The following MARCHF1 variants were observed in gnomAD, a reference collection of about 807,000 sequenced individuals.
The protein encoded by MARCHF1 is membrane associated ring-CH-type finger 1.
MARCHF1 carries 40 observed loss-of-function variants against 54.2 expected under a neutral mutation model. The ratio of observed to expected loss-of-function variants is 0.74; its 90% CI spans 0.57 to 0.96. The LOEUF (loss-of-function observed/expected upper bound fraction) is 0.96. Among genes scored for constraint, MARCHF1 ranks in the 40% least tolerant of loss-of-function variants. The pLI is 0.00. For missense variants in MARCHF1, 586 were observed against 656.5 expected (o/e 0.89, Z 1.17); for synonymous variants, 236 against 236.3 (o/e 1.00, Z 0.01).
At chr4:164,295,592 T>C in intron 1 of MARCHF1, among the ~76,000 whole-genome samples, 1 of 152,142 alleles carries the variant, frequency 6.6e-6, no homozygotes, top group Non-Finnish European at 1.5e-5. Context: ...GAGCATAATA[T>C]TCAGGAGGGA....
chr4:163,763,796 T>C (rs549851366), intron 4 of MARCHF1, among the ~76,000 whole-genome samples: 41 of 152,192 alleles, frequency 2.7e-4, no homozygotes, highest in African/African-American at 9.9e-4. Context: ...CAGTAAATTA[T>C]TTAGTCCCAA....
At chr4:164,055,839 A>C (rs1220837960) in intron 2 of MARCHF1, among the ~76,000 whole-genome samples, 3 of 152,166 alleles carry the variant, frequency 2.0e-5, no homozygotes, top group Non-Finnish European at 4.4e-5. Context: ...CTCATAAAAA[A>C]GTACCTGAGA....
intron 2 of MARCHF1, among the ~76,000 whole-genome samples, chr4:164,010,455 T>C (rs558465080): frequency 3.7e-4 from 56 of 151,898 alleles, no homozygotes; most frequent in East Asian, 9.7e-4. Context: ...AAATAAACAA[T>C]AAAATCAGAA....
At chr4:163,651,301 C>G (rs988961667) in intron 5 of MARCHF1, among the ~76,000 whole-genome samples, 1 of 151,866 alleles carries the variant, frequency 6.6e-6, no homozygotes, top group African/African-American at 2.4e-5. Flanking sequence ...TCTCTTAGAA[C>G]ATGCAAACAA....
At chr4:163,659,686 G>A (rs1743275829) in intron 5 of MARCHF1, among the ~76,000 whole-genome samples, 1 of 151,672 alleles carries the variant, frequency 6.6e-6, no homozygotes, top group African/African-American at 2.4e-5. Flanking sequence ...GAGTCTACAA[G>A]GAATTTAAAC....
At chr4:163,609,621 GTGT>G in intron 7 of MARCHF1, among the ~76,000 whole-genome samples, 1 of 148,740 alleles carries the variant, frequency 6.7e-6, no homozygotes, top group Non-Finnish European at 1.5e-5. Context: ...GTGTGTGTGT[GTGT>G]ATATATATAT....
chr4:163,930,348 C>A (rs1751643231), intron 3 of MARCHF1, among the ~76,000 whole-genome samples: 1 of 151,810 alleles, frequency 6.6e-6, no homozygotes, highest in African/African-American at 2.4e-5. Context: ...ATTGCTGATA[C>A]CTCAGAAATT....
chr4:164,303,963 T>G (rs532005432), intron 1 of MARCHF1, among the ~76,000 whole-genome samples: 1 of 152,348 alleles, frequency 6.6e-6, no homozygotes, highest in Admixed American at 6.5e-5. Flanking sequence ...CTATCCCTAT[T>G]TACCGCATGC....
At chr4:164,193,324 C>T (rs1731169405) in intron 1 of MARCHF1, among the ~76,000 whole-genome samples, 1 of 151,888 alleles carries the variant, frequency 6.6e-6, no homozygotes, top group South Asian at 2.1e-4. Flanking sequence ...TCTTAATGCC[C>T]CATACCTTCA....
intron 1 of MARCHF1, among the ~76,000 whole-genome samples, chr4:164,265,806 C>G (rs2111292953): frequency 6.6e-6 from 1 of 152,118 alleles, no homozygotes; most frequent in South Asian, 2.1e-4. Context: ...GTATTTTTCC[C>G]CTGACAAATT....
chr4:163,905,302 A>G (rs1751040971), intron 3 of MARCHF1, among the ~76,000 whole-genome samples: 1 of 152,170 alleles, frequency 6.6e-6, no homozygotes, highest in African/African-American at 2.4e-5. Flanking sequence ...TCGAGTGCCC[A>G]ATATGAACAT....
chr4:163,545,491 T>C, intron 9 of MARCHF1, 105 bp downstream of exon 9: 5 of 996,818 alleles, frequency 5.0e-6, no homozygotes, highest in Non-Finnish European at 7.3e-6. Flanking sequence ...GCTTTTCTAG[T>C]GTATCATACA....
intron 1 of MARCHF1, among the ~76,000 whole-genome samples, chr4:164,140,174 C>CACACACACATATACACAT (rs1756493698): frequency 6.6e-6 from 1 of 151,158 alleles, no homozygotes; most frequent in Non-Finnish European, 1.5e-5. Context: ...CACTCATGCA[C>CACACACACATATACACAT]ACACACACAT....
At chr4:163,794,724 A>G (rs764493916) in intron 4 of MARCHF1, among the ~76,000 whole-genome samples, 1 of 152,192 alleles carries the variant, frequency 6.6e-6, no homozygotes, top group Non-Finnish European at 1.5e-5. Flanking sequence ...CAAATTCTAT[A>G]CATATAATTA....
intron 2 of MARCHF1, among the ~76,000 whole-genome samples, chr4:164,080,498 C>G (rs780947758): frequency 5.9e-5 from 9 of 152,090 alleles, no homozygotes; most frequent in Admixed American, 5.2e-4. Flanking sequence ...AAAAATAGAG[C>G]ATAGACTTTC....
intron 2 of MARCHF1, among the ~76,000 whole-genome samples, chr4:164,015,644 G>A (rs1464506395): frequency 1.3e-5 from 2 of 151,898 alleles, no homozygotes; most frequent in African/African-American, 4.8e-5. Flanking sequence ...ACTTAAAAAT[G>A]GACAAAAGAT....
chr4:163,578,014 T>C (rs1272378132), intron 8 of MARCHF1, among the ~76,000 whole-genome samples: 1 of 152,008 alleles, frequency 6.6e-6, no homozygotes, highest in Admixed American at 6.6e-5. Flanking sequence ...GGGAAATCTT[T>C]AGTTGTAAGT....
chr4:164,184,041 G>T (rs2111023481), intron 1 of MARCHF1, among the ~76,000 whole-genome samples: 2 of 152,226 alleles, frequency 1.3e-5, no homozygotes, highest in Middle Eastern at 6.8e-3. Flanking sequence ...AGTCTTGTAT[G>T]AAATCTATAA....
intron 4 of MARCHF1, among the ~76,000 whole-genome samples, chr4:163,735,135 A>G (rs184285239): frequency 2.6e-5 from 4 of 152,196 alleles, no homozygotes; most frequent in Admixed American, 2.0e-4. Context: ...TTAATTCTCT[A>G]ATCCAGTGTT....
Sources: allele counts gnomAD v4.1 joint callset (sites outside exome capture counted in the v4.1 genomes callset), GRCh38; gene constraint gnomAD v4.1.1; transcripts MANE v1.5; gene names NCBI Gene and HGNC (gene_info 2026-07-23, HGNC 2026-07-21).